Variants in RANBP17 observed in about 807,000 individuals in gnomAD.
RANBP17 encodes the protein RAN binding protein 17.
RANBP17 carries 158 observed loss-of-function variants against 141.2 expected under a neutral mutation model. The observed-to-expected ratio is 1.12, with a 90% CI of 0.98 to 1.28. RANBP17 has a LOEUF of 1.28. Among genes scored for constraint, RANBP17 ranks in the 50% most tolerant of loss-of-function variants. The pLI is 0.00. For synonymous variants in RANBP17, 430 were observed against 450.0 expected, an observed-to-expected ratio of 0.96 and a Z score of 0.56; for missense variants, 1,438 against 1,290.7, an observed-to-expected ratio of 1.11 and a Z score of -1.75.
At chr5:170,998,402 A>T (rs2127573886) in intron 14 of RANBP17, among the ~76,000 whole-genome samples, 1 of 152,314 alleles carries the variant, frequency 6.6e-6, no homozygotes, top group East Asian at 1.9e-4. Context: ...TTTGCTTTTT[A>T]AAAATTTATT....
intron 22 of RANBP17, among the ~76,000 whole-genome samples, chr5:171,222,670 A>C (rs1255870042): frequency 2.0e-5 from 3 of 152,084 alleles, no homozygotes; most frequent in Non-Finnish European, 4.4e-5. Flanking sequence ...TCTGACACCC[A>C]GACTGGACAG....
intron 14 of RANBP17, among the ~76,000 whole-genome samples, chr5:170,988,445 A>G (rs1778300250): frequency 6.6e-6 from 1 of 151,552 alleles, no homozygotes; most frequent in Admixed American, 6.6e-5. Context: ...TAAATACCCA[A>G]ATACCAAGTA....
At position 170,988,188 on chromosome 5, in the gene RANBP17, C is replaced by T. The variant is rs182957909; in HGVS notation, c.1710+19811C>T. Among the ~76,000 whole-genome samples, 292 of 151,326 alleles carry T rather than the reference C, an allele frequency of 1.9e-3. 3 individuals carry two copies. Among genetic ancestry groups the T allele is most frequent in the Non-Finnish European group, 4.4e-4 (30 of 67,624 alleles). The stretch of plus-strand genomic sequence containing the variant: ...ATAAATTCTCAATCATTATAAAATT[C>T]GGTATCTGTGGATAAATGCACAAAG... On this transcript the variant is annotated intron_variant, in intron 14 of 27. Transcript: ENST00000523189.
At chr5:170,892,008 TATAA>T (rs1769658370) in intron 3 of RANBP17, among the ~76,000 whole-genome samples, 1 of 152,194 alleles carries the variant, frequency 6.6e-6, no homozygotes, top group Non-Finnish European at 1.5e-5. Flanking sequence ...AAAAGAACTG[TATAA>T]ATAAACATAT....
At chr5:171,192,965 C>G (rs957353648) in intron 18 of RANBP17, among the ~76,000 whole-genome samples, 3 of 152,202 alleles carry the variant, frequency 2.0e-5, no homozygotes, top group Non-Finnish European at 2.9e-5. Flanking sequence ...GCACATTTCT[C>G]AAAGTTTTAC....
chr5:171,154,905 G>C (rs1225989902), intron 14 of RANBP17, among the ~76,000 whole-genome samples: 2 of 151,378 alleles, frequency 1.3e-5, no homozygotes, highest in East Asian at 3.9e-4. Context: ...ATGAAACCCT[G>C]TCTCTACTAA....
chr5:170,893,790 C>T (rs571377898), intron 4 of RANBP17, among the ~76,000 whole-genome samples: 15 of 143,072 alleles, frequency 1.0e-4, no homozygotes, highest in African/African-American at 3.5e-4. Flanking sequence ...AAGACTCCGT[C>T]TCAAAAAAAA....
intron 5 of RANBP17, among the ~76,000 whole-genome samples, chr5:170,899,693 A>G (rs1211936109): frequency 1.3e-5 from 2 of 152,140 alleles, no homozygotes; most frequent in African/African-American, 4.8e-5. Context: ...GATATGTTCC[A>G]TCAATACCTA....
chr5:171,160,317 A>G (rs1327237923), intron 14 of RANBP17, among the ~76,000 whole-genome samples: 2 of 152,202 alleles, frequency 1.3e-5, no homozygotes, highest in African/African-American at 2.4e-5. Context: ...AACTACTACT[A>G]AAGCTACTCA....
At chr5:171,023,837 T>C (rs897520477) in intron 14 of RANBP17, among the ~76,000 whole-genome samples, 4 of 152,166 alleles carry the variant, frequency 2.6e-5, no homozygotes, top group Admixed American at 6.5e-5. Context: ...TCTCTGTAGT[T>C]TGGAATGCTC....
At chr5:171,167,648 A>C (rs535300784) in intron 14 of RANBP17, among the ~76,000 whole-genome samples, 4 of 152,260 alleles carry the variant, frequency 2.6e-5, no homozygotes, top group Non-Finnish European at 4.4e-5. Flanking sequence ...ATCTTTGTTA[A>C]ACAAACGTGC....
At chr5:170,970,680 G>C (rs1443847023) in intron 14 of RANBP17, 1 of 151,962 alleles carries the variant, frequency 6.6e-6, no homozygotes, top group Admixed American at 6.6e-5. Flanking sequence ...GGCATGAATG[G>C]GTTAAGACAC....
intron 22 of RANBP17, among the ~76,000 whole-genome samples, chr5:171,236,691 C>T (rs1039019656): frequency 6.6e-6 from 1 of 152,062 alleles, no homozygotes; most frequent in Non-Finnish European, 1.5e-5. Context: ...ATTTATAGAG[C>T]ACTGTGCCAG....
chr5:171,093,603 T>C (rs1581619699), intron 14 of RANBP17, among the ~76,000 whole-genome samples: 1 of 152,246 alleles, frequency 6.6e-6, no homozygotes, highest in East Asian at 1.9e-4. Context: ...ATCACTGGTA[T>C]AATTTTCATG....
intron 14 of RANBP17, among the ~76,000 whole-genome samples, chr5:171,067,090 T>G (rs1784355921): frequency 6.6e-6 from 1 of 152,200 alleles, no homozygotes; most frequent in African/African-American, 2.4e-5. Flanking sequence ...GTTCCTCAGT[T>G]CCTCCTATAC....
chr5:170,966,899 AACAG>A (rs1265817871), intron 13 of RANBP17, among the ~76,000 whole-genome samples: 2 of 152,174 alleles, frequency 1.3e-5, no homozygotes, highest in African/African-American at 2.4e-5. Context: ...ACACACCAAT[AACAG>A]ACAAACAGAG....
intron 25 of RANBP17, among the ~76,000 whole-genome samples, chr5:171,266,811 C>A (rs1766715946): frequency 6.6e-6 from 1 of 151,732 alleles, no homozygotes; most frequent in Admixed American, 6.6e-5. Context: ...AGTCGGGATG[C>A]TGAGGCAGAA....
intron 20 of RANBP17, chr5:171,205,903 C>G: frequency 2.2e-6 from 1 of 454,604 alleles, no homozygotes; most frequent in Admixed American, 3.1e-5. Context: ...ATCTGGCTAA[C>G]ATCTTTAGGG....
At chr5:171,180,936 C>G (rs1319251237) in intron 16 of RANBP17, among the ~76,000 whole-genome samples, 1 of 152,132 alleles carries the variant, frequency 6.6e-6, no homozygotes, top group Non-Finnish European at 1.5e-5. Context: ...CAGGAAGATT[C>G]CTATTAATGG....
Sources: gnomAD v4.1 joint callset for allele counts (sites outside exome capture counted in the v4.1 genomes callset) on GRCh38, gnomAD v4.1.1 for gene constraint, MANE v1.5 for transcripts, NCBI Gene and HGNC (gene_info 2026-07-23, HGNC 2026-07-21) for gene names.